The following PLEKHO2 variants were observed in gnomAD, a reference collection of about 807,000 sequenced individuals.
PLEKHO2 encodes the protein pleckstrin homology domain-containing family O member 2.
PLEKHO2 carries 20 observed loss-of-function variants against 32.7 expected under a neutral mutation model. The observed-to-expected ratio is 0.61, with a 90% CI of 0.43 to 0.89. The LOEUF (loss-of-function observed/expected upper bound fraction) is 0.89, where lower values mean the gene tolerates loss of function less well. PLEKHO2 is among the 40% of genes least tolerant of loss of function. The pLI, the probability that PLEKHO2 is intolerant of heterozygous loss-of-function variation, is 0.00. For synonymous variants in PLEKHO2, 247 were observed against 246.3 expected (o/e 1.00, Z -0.03); for missense variants, 568 against 621.2 (o/e 0.91, Z 0.91).
At chr15:64,854,272 G>C (rs1486944865) in intron 2 of PLEKHO2, among the ~76,000 whole-genome samples, 1 of 152,226 alleles carries the variant, frequency 6.6e-6, no homozygotes, top group Non-Finnish European at 1.5e-5. Context: ...CCCTCCTAAT[G>C]ATGAGGCCTC....
chr15:64,843,995 C>T (rs2084505096), intron 1 of PLEKHO2, among the ~76,000 whole-genome samples: 1 of 152,168 alleles, frequency 6.6e-6, no homozygotes, highest in African/African-American at 2.4e-5. Flanking sequence ...GCAGGGGCTT[C>T]CTTTCCCTAC....
rs372986622 is a variant in PLEKHO2 at position 64,859,881 on chromosome 15, A to C, written c.280-13A>C. The C allele has an allele frequency of 1.9e-6, 3 of 1,609,496 alleles. No individual in the cohort carries two copies. The highest frequency in any genetic ancestry group is 2.6e-6 in the Non-Finnish European group (3 of 1,175,798). On this transcript the variant is annotated splice_polypyrimidine_tract_variant and intron_variant, in intron 3 of 5. Coordinates refer to ENST00000323544, the MANE Select transcript of PLEKHO2 (RefSeq NM_025201.5). The stretch of plus-strand genomic sequence containing the variant: ...TAAACATCTGCCATCTACTCCATCC[A>C]TCTTGCCCACAGGTCAGCGACATCA...
rs147772719 is a variant in PLEKHO2, at chr15:64,865,667, G to A, written c.1252G>A (p.Val418Met). The change falls in exon 6 of 6, where the codon GTG becomes ATG. Residue 418 changes from valine (V) to methionine (M), a missense_variant. Transcript: ENST00000323544. ...ATATCGGGCCCAGCTGGAGGTGAAGGTGGCCTCGGAACAGACGGAGAAACT... is the reference window on the plus strand; with the variant it reads ...ATATCGGGCCCAGCTGGAGGTGAAGATGGCCTCGGAACAGACGGAGAAACT... ...RLYRAQLEVK[V>M]ASEQTEKLLN... The A allele has an allele frequency of 1.2e-6, 2 of 1,614,128 alleles. No homozygotes were observed. Among genetic ancestry groups the A allele is most frequent in the Non-Finnish European group, 1.7e-6 (2 of 1,180,036 alleles).
At chr15:64,856,976 C>T (rs2084610288) in intron 3 of PLEKHO2, among the ~76,000 whole-genome samples, 1 of 152,182 alleles carries the variant, frequency 6.6e-6, no homozygotes, top group Non-Finnish European at 1.5e-5. Context: ...ACAAAGACTC[C>T]AATGTCTTAC....
intron 2 of PLEKHO2, among the ~76,000 whole-genome samples, chr15:64,849,337 AGG>A (rs1183464675): frequency 1.3e-5 from 2 of 152,072 alleles, no homozygotes; most frequent in African/African-American, 4.8e-5. Context: ...TAGTAGAGAC[AGG>A]GTTTCACCAA....
chr15:64,853,411 G>C (rs537316010), intron 2 of PLEKHO2, among the ~76,000 whole-genome samples: 4 of 151,576 alleles, frequency 2.6e-5, no homozygotes, highest in African/African-American at 9.7e-5. Context: ...CAAGTAGCTG[G>C]GACTACAGGT....
At chr15:64,842,444 GTGTGTA>G (rs2084492438) in intron 1 of PLEKHO2, among the ~76,000 whole-genome samples, 1 of 151,398 alleles carries the variant, frequency 6.6e-6, no homozygotes, top group Non-Finnish European at 1.5e-5. Context: ...CTGTGTGTGT[GTGTGTA>G]TGTGTGTGTT....
chr15:64,859,126 A>T (rs1400851723), intron 3 of PLEKHO2, among the ~76,000 whole-genome samples: 3 of 152,242 alleles, frequency 2.0e-5, no homozygotes, highest in Non-Finnish European at 4.4e-5. Flanking sequence ...AGGCTGGCTG[A>T]TAATCCATTG....
intron 2 of PLEKHO2, among the ~76,000 whole-genome samples, chr15:64,849,073 CAAGCA>C (rs61469601): frequency 0.71 from 106,535 of 151,046 alleles, 38,372 homozygotes; most frequent in East Asian, 0.94. Context: ...CCGCCTGGTT[CAAGCA>C]AAGCAATTCC....
Position 64,866,707 on chromosome 15 carries a change from G to A in PLEKHO2, c.*819G>A, listed in dbSNP as rs553194729. On this transcript the variant is annotated 3_prime_UTR_variant, in exon 6 of 6. Coordinates refer to ENST00000323544, the MANE Select transcript of PLEKHO2 (RefSeq NM_025201.5). Reference sequence around the variant, plus strand: ...TATATTTCTGAAGAGGTGGATCCCAGAGTGGCTCTGATGTCCACATTAGAA... The same window carrying A: ...TATATTTCTGAAGAGGTGGATCCCAAAGTGGCTCTGATGTCCACATTAGAA... 1.5e-4 allele frequency: 29 copies of A among 194,146 alleles called. 1 individual carries two copies. Among genetic ancestry groups the A allele is most frequent in the Non-Finnish European group, 2.9e-4 (27 of 92,370 alleles). The allele number at this position is 194,146 out of a possible 1,614,324, so 12.0% of individuals were successfully genotyped here.
intron 2 of PLEKHO2, among the ~76,000 whole-genome samples, chr15:64,854,248 G>A (rs1426499274): frequency 6.6e-6 from 1 of 152,252 alleles, no homozygotes; most frequent in African/African-American, 2.4e-5. Context: ...GCTGGGCACT[G>A]TTCTGGCCAC....
At position 64,842,018 on chromosome 15, in the gene PLEKHO2, TGGA is replaced by T. The variant is rs2140335939; in HGVS notation, c.11_12+1del. ...CGGCGGGACCTCGGCGGACTCGCCA[TGGA>T]GGAGGAGGTGAGGGCGGGGCCCGGC... On this transcript the variant is annotated start_lost and inframe_deletion, in exon 1 of 6. Coordinates refer to ENST00000323544, the MANE Select transcript of PLEKHO2 (RefSeq NM_025201.5). 8.0e-7 allele frequency: 1 copy of T among 1,243,318 alleles called. No homozygotes were observed. Among genetic ancestry groups the T allele is most frequent in the East Asian group, 3.1e-5 (1 of 31,848 alleles). The allele number at this position is 1,243,318 out of a possible 1,614,324, so 77.0% of individuals were successfully genotyped here.
chr15:64,846,798 G>A (rs1038457649), intron 1 of PLEKHO2, among the ~76,000 whole-genome samples: 1 of 152,222 alleles, frequency 6.6e-6, no homozygotes, highest in Admixed American at 6.5e-5. Flanking sequence ...GGGTCCCTGA[G>A]AGCCAGAGAG....
At chr15:64,857,257 G>A (rs757056519) in intron 3 of PLEKHO2, among the ~76,000 whole-genome samples, 1 of 152,226 alleles carries the variant, frequency 6.6e-6, no homozygotes, top group South Asian at 2.1e-4. Flanking sequence ...TGTCCCTGGG[G>A]CTTCTTGGAA....
Position 64,865,353 on chromosome 15 carries a change from C to T in PLEKHO2, c.938C>T (p.Pro313Leu). 3.7e-6 allele frequency: 6 copies of T among 1,613,678 alleles called. No homozygotes were observed. Among genetic ancestry groups the T allele is most frequent in the Non-Finnish European group, 3.4e-6 (4 of 1,179,734 alleles). Residue 313 changes from proline to leucine, a missense_variant, in exon 6 of 6, where the codon CCA becomes CTA. Coordinates refer to ENST00000323544, the MANE Select transcript of PLEKHO2 (RefSeq NM_025201.5). Reference sequence around the variant, plus strand: ...GAGGGTGGGAAGCCCCCTACACCCCCACCCAAGATCTTATCAGAGAAACTG... The same window carrying T: ...GAGGGTGGGAAGCCCCCTACACCCCTACCCAAGATCTTATCAGAGAAACTG... Reference protein sequence around the residue: ...PREGGKPPTPPPKILSEKLKA... With the variant: ...PREGGKPPTPLPKILSEKLKA...
At chr15:64,847,172 C>CTGGG (rs1567095057) in intron 1 of PLEKHO2, among the ~76,000 whole-genome samples, 1 of 152,210 alleles carries the variant, frequency 6.6e-6, no homozygotes, top group Non-Finnish European at 1.5e-5. Context: ...GAGAACCAGG[C>CTGGG]TGGGGTTCCC....
chr15:64,865,474 C>T lies in PLEKHO2; in HGVS notation c.1059C>T (p.Ala353=). The T allele has an allele frequency of 6.2e-7, 1 of 1,614,018 alleles. No homozygotes were observed. The highest frequency in any genetic ancestry group is 1.6e-4 in the Middle Eastern group (1 of 6,062). The change falls in exon 6 of 6, where the codon GCC becomes GCT. Residue 353 remains alanine (A), a synonymous_variant. Transcript: ENST00000323544. The part of the protein sequence containing the change: ...VNGMDDSPEP[A]KPSQAEGTPG... The stretch of plus-strand genomic sequence containing the variant: ...GCATGGATGACAGTCCTGAGCCTGC[C>T]AAGCCCTCTCAGGCTGAGGGCACCC...
chr15:64,858,217 G>C (rs553599286), intron 3 of PLEKHO2, among the ~76,000 whole-genome samples: 2 of 152,330 alleles, frequency 1.3e-5, no homozygotes, highest in African/African-American at 4.8e-5. Flanking sequence ...AATTTACCCT[G>C]GTCATGCAAA....
intron 2 of PLEKHO2, among the ~76,000 whole-genome samples, chr15:64,853,168 T>C (rs1210332991): frequency 1.3e-5 from 2 of 151,176 alleles, no homozygotes; most frequent in Admixed American, 1.3e-4. Context: ...AAAATTCGCA[T>C]CCATCAAAAT....
Sources: allele counts gnomAD v4.1 joint callset (sites outside exome capture counted in the v4.1 genomes callset), GRCh38; gene constraint gnomAD v4.1.1; transcripts MANE v1.5; gene names NCBI Gene and HGNC (gene_info 2026-07-23, HGNC 2026-07-21).